The following VWA3B variants were observed in gnomAD, a reference collection of about 807,000 sequenced individuals.
The protein encoded by VWA3B is von Willebrand factor A domain-containing protein 3B.
In VWA3B, 138 loss-of-function variants were observed where a neutral mutation model predicts 158.3. That is an observed-to-expected ratio of 0.87 (90% CI 0.76 to 1.00). The LOEUF (loss-of-function observed/expected upper bound fraction) is 1.00. VWA3B is among the 50% of genes least tolerant of loss of function. The pLI is 0.00. For missense variants in VWA3B, 1,555 were observed against 1,565.1 expected (o/e 0.99, Z 0.11); for synonymous variants, 596 against 587.3 (o/e 1.01, Z -0.21).
intron 12 of VWA3B, among the ~76,000 whole-genome samples, chr2:98,195,289 A>G (rs1469179981): frequency 6.6e-6 from 1 of 152,228 alleles, no homozygotes; most frequent in Non-Finnish European, 1.5e-5. Context: ...ATCTTTTCTT[A>G]AAAAGGCAAA....
chr2:98,225,802 T>C (rs919576267), intron 14 of VWA3B, among the ~76,000 whole-genome samples: 1 of 152,044 alleles, frequency 6.6e-6, no homozygotes, highest in African/African-American at 2.4e-5. Context: ...ACAGTGAGCA[T>C]GTGGAAGTGA....
chr2:98,248,354 C>A (rs1366665591), intron 19 of VWA3B, among the ~76,000 whole-genome samples: 1 of 152,106 alleles, frequency 6.6e-6, no homozygotes, highest in Admixed American at 6.5e-5. Flanking sequence ...TATGTTGGCT[C>A]ATTTTCACAA....
the VWA3B span, among the ~76,000 whole-genome samples, chr2:98,318,952 A>T: frequency 6.6e-6 from 1 of 152,216 alleles, no homozygotes; most frequent in Non-Finnish European, 1.5e-5. Context: ...GAACCCATGG[A>T]TATGAAAAGT....
intron 26 of VWA3B, among the ~76,000 whole-genome samples, chr2:98,307,744 C>T (rs1452651770): frequency 6.6e-6 from 1 of 152,224 alleles, no homozygotes; most frequent in African/African-American, 2.4e-5. Flanking sequence ...CTAAAAAAAT[C>T]CTGATGCTTT....
At chr2:98,101,471 T>C (rs1683069867) in intron 2 of VWA3B, among the ~76,000 whole-genome samples, 1 of 152,246 alleles carries the variant, frequency 6.6e-6, no homozygotes, top group Non-Finnish European at 1.5e-5. Flanking sequence ...TTTCCACTAC[T>C]AGGACTTTAC....
chr2:98,312,396 C>T lies in VWA3B; in HGVS notation c.*47C>T. 2 of 1,558,372 alleles carry T rather than the reference C, an allele frequency of 1.3e-6. No homozygotes were observed. On this transcript the variant is annotated 3_prime_UTR_variant, in exon 28 of 28. Transcript: ENST00000477737. ...TTTAAGAGACCAGCGTCCTTCCAGG[C>T]TGTTCAGACCTCAGCGTTGACACTG...
chr2:98,269,007 G>T (rs77285698), intron 21 of VWA3B, among the ~76,000 whole-genome samples: 5,909 of 152,092 alleles, frequency 0.039, 171 homozygotes, highest in Middle Eastern at 0.075. Context: ...CAAGAAGGGG[G>T]GCAAATGACC....
At position 98,139,134 on chromosome 2, in the gene VWA3B, G is replaced by A. The variant is rs936044591; in HGVS notation, c.988+5195G>A. Among the ~76,000 whole-genome samples the A allele has an allele frequency of 3.5e-4, 54 of 152,234 alleles. 2 individuals carry two copies. The highest frequency in any genetic ancestry group is 1.2e-4 in the Non-Finnish European group (8 of 68,032). On this transcript the variant is annotated intron_variant, in intron 7 of 27. Transcript: ENST00000477737. ...CCCTGCCGGCCCCAGGCAATGAGGG[G>A]CTTAGCACCCAGGCCAGCAGCTGCG... is the stretch of plus-strand genomic sequence containing the variant.
In VWA3B at chr2:98,217,904, T is replaced by G; in HGVS notation, c.1895T>G (p.Ile632Ser). The change falls in exon 14 of 28, where the codon ATC becomes AGC. Residue 632 changes from isoleucine to serine, a missense_variant. Coordinates refer to ENST00000477737, the MANE Select transcript of VWA3B (RefSeq NM_144992.5). Reference protein sequence around the residue: ...KRFQEIPIYTISFNYNDEIAN... With the variant: ...KRFQEIPIYTSSFNYNDEIAN... ...TTTCAGGAAATTCCTATTTATACCA[T>G]CTCCTTCAATTACAATGATGAGATT... 6.2e-7 allele frequency: 1 copy of G among 1,613,080 alleles called. No homozygotes were observed. Among genetic ancestry groups the G allele is most frequent in the Non-Finnish European group, 8.5e-7 (1 of 1,179,566 alleles).
intron 14 of VWA3B, among the ~76,000 whole-genome samples, chr2:98,221,971 G>A (rs540144314): frequency 4.6e-5 from 7 of 152,286 alleles, no homozygotes; most frequent in South Asian, 2.1e-4. Context: ...GAAAGGCCAC[G>A]CTCTGCTTTC....
In VWA3B at chr2:98,128,227, A is replaced by AAT; in HGVS notation, c.703-12_703-11insAT. The AAT allele has an allele frequency of 6.2e-7, 1 of 1,613,224 alleles. No homozygotes were observed. ...GTGAGGGAGATAAACCGTTGGCACC[A>AAT]CTGTTTTGCAGATTGAATCCATTTA... On this transcript the variant is annotated splice_polypyrimidine_tract_variant and intron_variant, in intron 5 of 27. Coordinates refer to ENST00000477737, the MANE Select transcript of VWA3B (RefSeq NM_144992.5).
chr2:98,275,042 GTGTT>G (rs1688437467), intron 22 of VWA3B, among the ~76,000 whole-genome samples: 1 of 152,236 alleles, frequency 6.6e-6, no homozygotes, highest in South Asian at 2.1e-4. Flanking sequence ...CGTCTGCCAC[GTGTT>G]TGTTTATTTT....
rs1221892615 is a variant in VWA3B at position 98,228,250 on chromosome 2, G to T, written c.2068G>T (p.Asp690Tyr). Residue 690 changes from aspartate (D) to tyrosine (Y), a missense_variant, in exon 15 of 28, where the codon GAT becomes TAT. Physicochemically the swap from Asp to Tyr is radical, Grantham distance 160. Transcript: ENST00000477737. ...LVKEMEQGHSDLEKMQDLYSE... is the reference protein window; with the variant it reads ...LVKEMEQGHSYLEKMQDLYSE... The stretch of plus-strand genomic sequence containing the variant: ...TAAGGAAATGGAACAGGGTCACAGT[G>T]ATCTGGAGAAGATGCAAGACCTTTA... The T allele has an allele frequency of 6.2e-6, 10 of 1,613,980 alleles. No individual in the cohort carries two copies. Among genetic ancestry groups the T allele is most frequent in the Non-Finnish European group, 8.5e-6 (10 of 1,180,016 alleles).
chr2:98,256,539 A>G (rs1367480776), intron 21 of VWA3B, among the ~76,000 whole-genome samples: 1 of 152,146 alleles, frequency 6.6e-6, no homozygotes, highest in Admixed American at 6.5e-5. Flanking sequence ...TCACCCAGGT[A>G]TCAGTACTAC....
chr2:98,278,837 G>A (rs1574265052), intron 22 of VWA3B, among the ~76,000 whole-genome samples: 4 of 152,302 alleles, frequency 2.6e-5, no homozygotes, highest in Admixed American at 2.6e-4. Context: ...TGAGAGTGGG[G>A]CCCTCACTGG....
At chr2:98,216,982 A>ACCCC (rs139373261) in intron 13 of VWA3B, 296,086 of 1,125,810 alleles carry the variant, frequency 0.26, 24,800 homozygotes, top group East Asian at 0.35. Flanking sequence ...CATTGTAAGC[A>ACCCC]CCCGCCCCGC....
chr2:98,211,778 A>G (rs1683540924), intron 12 of VWA3B, 152 bp from the exon 13 acceptor site: 1 of 662,810 alleles, frequency 1.5e-6, no homozygotes, highest in Admixed American at 2.9e-5. Flanking sequence ...TGTTTCTTGG[A>G]ATCACTGGGG....
chr2:98,260,224 G>C (rs1687397608), intron 21 of VWA3B, among the ~76,000 whole-genome samples: 1 of 151,618 alleles, frequency 6.6e-6, no homozygotes, highest in African/African-American at 2.4e-5. Context: ...GGATATGTTT[G>C]TTAAGTCTAG....
chr2:98,194,906 C>T (rs1235423830), intron 12 of VWA3B, among the ~76,000 whole-genome samples: 1 of 152,064 alleles, frequency 6.6e-6, no homozygotes, highest in Non-Finnish European at 1.5e-5. Context: ...TGTGGAAATA[C>T]ACAGTACAAT....
Sources: allele counts gnomAD v4.1 joint callset (sites outside exome capture counted in the v4.1 genomes callset), GRCh38; gene constraint gnomAD v4.1.1; transcripts MANE v1.5; gene names NCBI Gene and HGNC (gene_info 2026-07-23, HGNC 2026-07-21).